Variants in MYT1 observed in about 807,000 individuals in gnomAD.
The protein encoded by MYT1 is myelin transcription factor I.
MYT1 carries 23 observed loss-of-function variants against 123.0 expected under a neutral mutation model. That is an observed-to-expected ratio of 0.19 (90% confidence interval 0.13 to 0.26). The LOEUF (loss-of-function observed/expected upper bound fraction) is 0.26, where lower values mean the gene tolerates loss of function less well. Ranked by LOEUF, MYT1 falls within the 10% of genes least tolerant of loss-of-function variation. The pLI is 1.00. For missense variants in MYT1, 1,125 were observed against 1,472.5 expected (o/e 0.76, Z 3.86); for synonymous variants, 518 against 575.3 (o/e 0.90, Z 1.43).
chr20:64,199,748 G>GA lies in MYT1; in HGVS notation c.56-141dup, dbSNP rs1983238132. 6.5e-6 allele frequency: 6 copies of GA among 919,914 alleles called. No homozygotes were observed. In the Admixed American group the frequency reaches 1.1e-4, roughly 17 times the overall value. 57.0% of individuals were successfully genotyped at this position (919,914 alleles called of 1,614,324 possible). A position where few individuals can be genotyped will look rare whatever the true frequency, so the allele number is the denominator to read the frequency against. ...GTCAGGAAAGGGTGAGCGCCCTGGG[G>GA]AAACGGCTCAGGTCTCACTGAGATT... On this transcript the variant is annotated intron_variant, in intron 3 of 22. Transcript: ENST00000328439.
Position 64,227,961 on chromosome 20 carries a change from G to A in MYT1, c.2665G>A (p.Glu889Lys). The A allele has an allele frequency of 6.2e-7, 1 of 1,614,068 alleles. No individual in the cohort carries two copies. Among genetic ancestry groups the A allele is most frequent in the Non-Finnish European group, 8.5e-7 (1 of 1,179,976 alleles). ...APTKDDKEDP[E>K]LMKCPVPGCV... ...CACCAAGGACGACAAGGAGGACCCC[G>A]AGCTGATGAAGTACGTTGGGCCATG... The change falls in exon 18 of 23, where the codon GAG (glutamate) becomes AAG (lysine). Residue 889 changes from glutamate (E) to lysine (K), a missense_variant. By Grantham distance (56) the Glu-to-Lys change is moderately conservative. Coordinates refer to ENST00000328439, the MANE Select transcript of MYT1 (RefSeq NM_004535.3).
intron 1 of MYT1, among the ~76,000 whole-genome samples, chr20:64,172,834 G>A (rs1248467714): frequency 3.0e-5 from 4 of 133,986 alleles, no homozygotes; most frequent in Non-Finnish European, 6.1e-5. Context: ...TGCAACCTCC[G>A]CCTACTGGGT....
intron 18 of MYT1, 25 bp downstream of exon 18, chr20:64,227,996 T>C (rs925997591): frequency 2.5e-6 from 4 of 1,604,918 alleles, no homozygotes; most frequent in Non-Finnish European, 3.4e-6. Context: ...GCTGGCTCTT[T>C]CATTGCATTG....
At position 64,208,070 on chromosome 20, in the gene MYT1, G is replaced by A; in HGVS notation, c.874G>A (p.Glu292Lys). 6.2e-7 allele frequency: 1 copy of A among 1,606,242 alleles called. No individual in the cohort carries two copies. Among genetic ancestry groups the A allele is most frequent in the Non-Finnish European group, 8.5e-7 (1 of 1,176,996 alleles). The part of the protein sequence containing the change: ...EEEEEEEEEE[E>K]EEEEEEEEEE... ...GGAAGAGGAAGAGGAGGAGGAGGAA[G>A]AGGAAGAGGAGGAGGAAGAGGAAGA... The change falls in exon 7 of 23, where the codon GAG becomes AAG. Residue 292 changes from glutamate (E) to lysine (K), a missense_variant. Glu to Lys is a moderately conservative substitution (Grantham distance 56). Coordinates refer to ENST00000328439, the MANE Select transcript of MYT1 (RefSeq NM_004535.3). The surrounding 1 kb of genome is among the most constrained non-coding windows in gnomAD (Gnocchi z 5.4).
rs1170014470 is a variant in MYT1, at chr20:64,205,085, C to A, written c.137C>A (p.Ser46Tyr). Residue 46 changes from serine (S) to tyrosine (Y), a missense_variant, in exon 5 of 23, where the codon TCC (serine) becomes TAC (tyrosine). Ser to Tyr is a moderately radical substitution (Grantham distance 144). Coordinates refer to ENST00000328439, the MANE Select transcript of MYT1 (RefSeq NM_004535.3). Reference sequence around the variant, plus strand: ...TCAGGGCACGTCCGGGGCAAGTACTCCAGGCACCGAAGGTAAGAGGACCCT... The same window carrying A: ...TCAGGGCACGTCCGGGGCAAGTACTACAGGCACCGAAGGTAAGAGGACCCT... ...TGSGHVRGKYSRHRSLQSCPL... is the reference protein window; with the variant it reads ...TGSGHVRGKYYRHRSLQSCPL... 6.2e-7 allele frequency: 1 copy of A among 1,614,054 alleles called. No individual in the cohort carries two copies. Among genetic ancestry groups the A allele is most frequent in the Admixed American group, 1.7e-5 (1 of 60,022 alleles).
intron 19 of MYT1, among the ~76,000 whole-genome samples, chr20:64,236,097 C>T (rs377182982): frequency 4.1e-4 from 16 of 39,220 alleles, no homozygotes; most frequent in East Asian, 2.5e-3. Flanking sequence ...CTGGGATGGC[C>T]GTGGTGGGTG....
chr20:64,233,806 C>T (rs913389766), intron 19 of MYT1, among the ~76,000 whole-genome samples: 10 of 152,210 alleles, frequency 6.6e-5, no homozygotes, highest in Admixed American at 1.3e-4. Context: ...AAGCCCTCAG[C>T]GAAGTGGCTG....
In MYT1 at chr20:64,223,185, G is replaced by C. The variant is rs749829352; in HGVS notation, c.2459+12G>C. ...GCCTCCCACCGCAGGTTTGTCTCCT[G>C]CTCGGGTCCGTCTGGCCTGGGTGCT... On this transcript the variant is annotated intron_variant, in intron 15 of 22. Coordinates refer to ENST00000328439, the MANE Select transcript of MYT1 (RefSeq NM_004535.3). 3 of 1,614,182 alleles carry C rather than the reference G, an allele frequency of 1.9e-6. No individual in the cohort carries two copies. The highest frequency in any genetic ancestry group is 2.5e-6 in the Non-Finnish European group (3 of 1,180,052).
In MYT1 at chr20:64,196,965, A is replaced by G. The variant is rs1372398911; in HGVS notation, c.1-1897A>G. ...GCACAAGTCCCATTGTACGTCCTGC[A>G]TCGGAAGGCATTGCACACGGGCTCA... is the stretch of plus-strand genomic sequence containing the variant. On this transcript the variant is annotated intron_variant, in intron 2 of 22. Transcript: ENST00000328439. This position sits in a 1 kb window ranked among gnomAD's most constrained non-coding sequence, Gnocchi z 4.3. Among the ~76,000 whole-genome samples the G allele has an allele frequency of 6.6e-6, 1 of 152,248 alleles. No homozygotes were observed. The highest frequency in any genetic ancestry group is 1.5e-5 in the Non-Finnish European group (1 of 68,044).
intron 2 of MYT1, among the ~76,000 whole-genome samples, chr20:64,197,528 T>C (rs1983158895): frequency 6.6e-6 from 1 of 152,080 alleles, no homozygotes; most frequent in Non-Finnish European, 1.5e-5. Context: ...CTGGGACAGG[T>C]GTGGATTTGC....
At chr20:64,180,002 C>T (rs1447925655) in intron 1 of MYT1, among the ~76,000 whole-genome samples, 2 of 150,314 alleles carry the variant, frequency 1.3e-5, no homozygotes, top group Non-Finnish European at 2.9e-5. Flanking sequence ...ACACATACGC[C>T]ACACACGCTA....
chr20:64,222,906 C>T (rs1276898258), intron 14 of MYT1, among the ~76,000 whole-genome samples: 1 of 152,234 alleles, frequency 6.6e-6, no homozygotes, highest in Non-Finnish European at 1.5e-5. Flanking sequence ...AATTTGGTTA[C>T]TTTTTCTTCT....
In MYT1 at chr20:64,212,165, G is replaced by T. The variant is rs1385755893; in HGVS notation, c.1517+27G>T. Reference sequence around the variant, plus strand: ...TACTTGGACTGAGCTGGGCCGTAGTGGGGGCCAGGGTGGGGGCCGTGGTGG... The same window carrying T: ...TACTTGGACTGAGCTGGGCCGTAGTTGGGGCCAGGGTGGGGGCCGTGGTGG... On this transcript the variant is annotated intron_variant, in intron 9 of 22. Coordinates refer to ENST00000328439, the MANE Select transcript of MYT1 (RefSeq NM_004535.3). This position sits in a 1 kb window ranked among gnomAD's most constrained non-coding sequence, Gnocchi z 6.8. 3 of 1,390,798 alleles carry T rather than the reference G, an allele frequency of 2.2e-6. No homozygotes were observed. Among genetic ancestry groups the T allele is most frequent in the Non-Finnish European group, 2.9e-6 (3 of 1,043,248 alleles). The allele number at this position is 1,390,798 out of a possible 1,614,324, so 86.2% of individuals were successfully genotyped here. A position where few individuals can be genotyped will look rare whatever the true frequency, so the allele number is the denominator to read the frequency against.
chr20:64,228,089 C>T lies in MYT1; in HGVS notation c.2675+118C>T, dbSNP rs532338802. ...TTCATTAATACAACGGGTCACCTAA[C>T]TGACCAACGCCAACTTTCGTTTCTT... On this transcript the variant is annotated intron_variant, in intron 18 of 22. Coordinates refer to ENST00000328439, the MANE Select transcript of MYT1 (RefSeq NM_004535.3). 3.0e-5 allele frequency: 27 copies of T among 908,834 alleles called. 1 individual carries two copies. In the Middle Eastern group the frequency reaches 8.7e-4, roughly 29 times the overall value. 56.3% of individuals were successfully genotyped at this position (908,834 alleles called of 1,614,324 possible). A position where few individuals can be genotyped will look rare whatever the true frequency, so the allele number is the denominator to read the frequency against.
chr20:64,204,986 G>A, intron 4 of MYT1, 49 bp from the exon 5 acceptor site: 1 of 1,582,490 alleles, frequency 6.3e-7, no homozygotes. Context: ...CAGGCTCTGA[G>A]ATCTGAGCCC....
At chr20:64,170,599 C>T (rs183744354) in intron 1 of MYT1, among the ~76,000 whole-genome samples, 22 of 151,970 alleles carry the variant, frequency 1.4e-4, no homozygotes, top group Non-Finnish European at 2.6e-4. Context: ...AGATCAAGTC[C>T]GCCTAGATAA....
chr20:64,235,357 C>T (rs1984481141), intron 19 of MYT1, among the ~76,000 whole-genome samples: 2 of 119,844 alleles, frequency 1.7e-5, no homozygotes, highest in African/African-American at 3.5e-5. Flanking sequence ...CCTGGGATGG[C>T]CGTTGTGGGT....
chr20:64,219,759 T>C lies in MYT1; in HGVS notation c.2018T>C (p.Met673Thr), dbSNP rs148584168. Residue 673 changes from methionine (M) to threonine (T), a missense_variant, in exon 13 of 23, where the codon ATG (methionine) becomes ACG (threonine). Physicochemically the swap from Met to Thr is moderately conservative, Grantham distance 81. Coordinates refer to ENST00000328439, the MANE Select transcript of MYT1 (RefSeq NM_004535.3). ...GAAAATGGAACCCTGGACTTGAGCA[T>C]GCACAAACACCGCAAACGAGAAAAT... ...VDENGTLDLS[M>T]HKHRKRENAF... is the part of the protein sequence containing the mutation. 3 of 1,614,124 alleles carry C rather than the reference T, an allele frequency of 1.9e-6. No homozygotes were observed. Among genetic ancestry groups the C allele is most frequent in the Non-Finnish European group, 2.5e-6 (3 of 1,179,994 alleles).
At position 64,223,149 on chromosome 20, in the gene MYT1, C is replaced by G; in HGVS notation, c.2435C>G (p.Thr812Ser). 6.2e-7 allele frequency: 1 copy of G among 1,614,118 alleles called. No homozygotes were observed. The change falls in exon 15 of 23, where the codon ACC (threonine) becomes AGC (serine). Residue 812 changes from threonine to serine, a missense_variant. Thr to Ser is a moderately conservative substitution (Grantham distance 58). This residue lies in a region of MYT1 where 47 missense variants were observed against 113.1 expected (regional missense o/e 0.42). Transcript: ENST00000328439. ...TPGCDGSGHI[T>S]GNYASHRSLS... ...GGCTGTGACGGCAGCGGCCACATCA[C>G]CGGGAACTACGCCTCCCACCGCAGG...
Sources: gnomAD v4.1 joint callset for allele counts (sites outside exome capture counted in the v4.1 genomes callset) on GRCh38, gnomAD v4.1.1 for gene constraint, gnomAD v4.1.1 regional missense constraint, Gnocchi (gnomAD v3.1) non-coding constraint, MANE v1.5 for transcripts, NCBI Gene and HGNC (gene_info 2026-07-23, HGNC 2026-07-21) for gene names.